COL11A1: variants seen among roughly 807,000 people sequenced by gnomAD.
The protein encoded by COL11A1 is collagen alpha-1(XI) chain.
COL11A1 carries 74 observed loss-of-function variants against 265.2 expected under a neutral mutation model. The observed-to-expected ratio is 0.28, with a 90% CI of 0.23 to 0.34. The LOEUF (loss-of-function observed/expected upper bound fraction) is 0.34. COL11A1 is among the 10% of genes least tolerant of loss of function. The probability of loss-of-function intolerance (pLI) is 1.00; values close to 1 mark genes in which losing one functional copy is unlikely to be tolerated. For missense variants in COL11A1, 2,165 were observed against 2,263.6 expected, an observed-to-expected ratio of 0.96 and a Z score of 0.88; for synonymous variants, 816 against 727.6, an observed-to-expected ratio of 1.12 and a Z score of -1.96.
chr1:103,083,398 A>G (rs758108956), intron 1 of COL11A1, among the ~76,000 whole-genome samples: 5 of 150,420 alleles, frequency 3.3e-5, no homozygotes, highest in Admixed American at 6.7e-5. Context: ...ATTATGTAGA[A>G]TTAAAGTGAA....
intron 42 of COL11A1, among the ~76,000 whole-genome samples, chr1:102,940,783 G>T (rs548126913): frequency 6.6e-6 from 1 of 152,194 alleles, no homozygotes; most frequent in Non-Finnish European, 1.5e-5. Context: ...GCTGTGCAAT[G>T]GGTATTAGGC....
intron 14 of COL11A1, among the ~76,000 whole-genome samples, chr1:103,011,848 A>G (rs1217162907): frequency 2.0e-5 from 3 of 152,142 alleles, no homozygotes; most frequent in Non-Finnish European, 2.9e-5. Context: ...TTTAGACAAA[A>G]ATATTTGAAA....
At chr1:102,896,501 C>A (rs1015339959) in intron 57 of COL11A1, among the ~76,000 whole-genome samples, 1 of 152,118 alleles carries the variant, frequency 6.6e-6, no homozygotes, top group Admixed American at 6.5e-5. Flanking sequence ...CAAGTCAAGA[C>A]TAATTAAAGC....
At chr1:103,012,116 G>A (rs1480143218) in intron 14 of COL11A1, among the ~76,000 whole-genome samples, 1 of 152,024 alleles carries the variant, frequency 6.6e-6, no homozygotes, top group East Asian at 1.9e-4. Context: ...ACATAATTTT[G>A]GAAGCTGAAT....
chr1:102,976,632 C>T (rs1662523649), intron 35 of COL11A1, among the ~76,000 whole-genome samples: 1 of 151,958 alleles, frequency 6.6e-6, no homozygotes, highest in South Asian at 2.1e-4. Flanking sequence ...AAAATAGTTT[C>T]CAGGTGGGAT....
chr1:102,929,182 A>G (rs1420186745), intron 46 of COL11A1, among the ~76,000 whole-genome samples: 3 of 131,326 alleles, frequency 2.3e-5, no homozygotes, highest in Non-Finnish European at 4.9e-5. Context: ...TATGTCCTGA[A>G]TGGTAATGCC....
At chr1:102,981,523 A>C (rs549567123) in intron 31 of COL11A1, among the ~76,000 whole-genome samples, 1 of 152,184 alleles carries the variant, frequency 6.6e-6, no homozygotes, top group South Asian at 2.1e-4. Flanking sequence ...ACTTACGTAG[A>C]GTTTCTACTC....
At chr1:103,034,764 T>G (rs1339357829) in intron 4 of COL11A1, among the ~76,000 whole-genome samples, 1 of 152,072 alleles carries the variant, frequency 6.6e-6, no homozygotes, top group African/African-American at 2.4e-5. Context: ...CATTTTTTTT[T>G]GTTGTCTCAT....
chr1:103,012,144 T>C (rs1666183321), intron 14 of COL11A1, among the ~76,000 whole-genome samples: 1 of 152,220 alleles, frequency 6.6e-6, no homozygotes, highest in Admixed American at 6.5e-5. Context: ...AAATGAATGA[T>C]ACTTATAGTT....
chr1:103,097,716 G>C (rs934029285), intron 1 of COL11A1, among the ~76,000 whole-genome samples: 2 of 151,936 alleles, frequency 1.3e-5, no homozygotes, highest in African/African-American at 4.8e-5. Context: ...GAATGAATTA[G>C]TTTAGAATTC....
At chr1:103,048,903 G>C (rs1229852715) in intron 4 of COL11A1, among the ~76,000 whole-genome samples, 1 of 152,146 alleles carries the variant, frequency 6.6e-6, no homozygotes, top group African/African-American at 2.4e-5. Flanking sequence ...ATGTAGTTGA[G>C]CGGTTTTGAG....
At chr1:102,997,006 G>A (rs1664693386) in intron 26 of COL11A1, 74 bp downstream of exon 26, 10 of 1,207,752 alleles carry the variant, frequency 8.3e-6, no homozygotes, top group East Asian at 2.3e-5. Flanking sequence ...TTATATATAT[G>A]AGATGACCAA....
At chr1:103,104,153 T>C (rs1045439713) in intron 1 of COL11A1, among the ~76,000 whole-genome samples, 30 of 152,066 alleles carry the variant, frequency 2.0e-4, no homozygotes, top group African/African-American at 6.3e-4. Flanking sequence ...TTTTAACCTT[T>C]TAAAAATTCA....
chr1:103,011,394 C>T (rs574618929), intron 14 of COL11A1, among the ~76,000 whole-genome samples: 15 of 151,930 alleles, frequency 9.9e-5, no homozygotes, highest in Non-Finnish European at 1.9e-4. Flanking sequence ...TTCTATGAAA[C>T]ATAGTATCAG....
At chr1:102,939,752 T>G (rs1235320159) in intron 43 of COL11A1, among the ~76,000 whole-genome samples, 1 of 152,070 alleles carries the variant, frequency 6.6e-6, no homozygotes, top group African/African-American at 2.4e-5. Context: ...AAAAAATTCT[T>G]TTCTGCTAAT....
chr1:103,023,038 A>G (rs780769754), intron 7 of COL11A1, 42 bp from the exon 8 acceptor site: 38 of 1,592,966 alleles, frequency 2.4e-5, no homozygotes, highest in Non-Finnish European at 3.0e-5. Flanking sequence ...CATGAAGTTT[A>G]TTGTTAGTAA....
intron 58 of COL11A1, among the ~76,000 whole-genome samples, 194 bp downstream of exon 58, chr1:102,890,257 C>T (rs2100862736): frequency 1.3e-5 from 2 of 152,020 alleles, no homozygotes; most frequent in South Asian, 2.1e-4. Context: ...CACTGAATTC[C>T]AGCACATTTT....
rs956233074 is a variant in COL11A1, at chr1:102,881,752, G to A, written c.4985C>T (p.Ser1662Leu). The A allele has an allele frequency of 6.2e-7, 1 of 1,612,508 alleles. No individual in the cohort carries two copies. Among genetic ancestry groups the A allele is most frequent in the Non-Finnish European group, 8.5e-7 (1 of 1,179,066 alleles). The change falls in exon 65 of 67, where the codon TCA becomes TTA. Residue 1662 changes from serine (S) to leucine (L), a missense_variant. By Grantham distance (145) the Ser-to-Leu change is moderately radical. Coordinates refer to ENST00000370096, the MANE Select transcript of COL11A1 (RefSeq NM_001854.4). Reference protein sequence around the residue: ...DKKSEGVRISSWPKEKPGSWF... With the variant: ...DKKSEGVRISLWPKEKPGSWF... ...ACTTCCTGGTTTCTCCTTTGGCCAT[G>A]ATGAAATTCTTACCTGTTGCAAAGG...
At chr1:102,957,028 A>G (rs1234886709) in intron 41 of COL11A1, among the ~76,000 whole-genome samples, 1 of 151,998 alleles carries the variant, frequency 6.6e-6, no homozygotes, top group African/African-American at 2.4e-5. Context: ...CCCTGTATAA[A>G]GCAATATCCC....
Sources: allele counts gnomAD v4.1 joint callset (sites outside exome capture counted in the v4.1 genomes callset), GRCh38; gene constraint gnomAD v4.1.1; transcripts MANE v1.5; gene names NCBI Gene and HGNC (gene_info 2026-07-23, HGNC 2026-07-21).